Variants in MINK1 observed in about 807,000 individuals in gnomAD.
The protein encoded by MINK1 is misshapen like kinase 1, also known as misshapen-like kinase 1.
Under a neutral mutation model 178.4 loss-of-function variants are expected in MINK1, and 46 were observed. The observed-to-expected ratio is 0.26, with a 90% CI of 0.20 to 0.33. MINK1 has a LOEUF of 0.33. Among genes scored for constraint, MINK1 ranks in the 10% least tolerant of loss-of-function variants. The pLI is 1.00. For missense variants in MINK1, 1,366 were observed against 1,814.9 expected (o/e 0.75, Z 4.49); for synonymous variants, 797 against 709.7 (o/e 1.12, Z -1.96).
At chr17:4,871,144 C>T in intron 1 of MINK1, 1 of 253,106 alleles carries the variant, frequency 4.0e-6, no homozygotes, top group East Asian at 1.4e-4. Flanking sequence ...CAACATCTAG[C>T]AGTAGTTTAT....
Position 4,837,332 on chromosome 17 carries a change from C to T in MINK1, c.57+3692C>T, listed in dbSNP as rs148350394. ...TGTTGCAGAAGTGCCTCTTACAACACGTGCCACTTACAACACAGTGCAGTG... is the reference window on the plus strand; with the variant it reads ...TGTTGCAGAAGTGCCTCTTACAACATGTGCCACTTACAACACAGTGCAGTG... On this transcript the variant is annotated intron_variant, in intron 1 of 31. Coordinates refer to ENST00000355280, the MANE Select transcript of MINK1 (RefSeq NM_153827.5). Among the ~76,000 whole-genome samples, 462 of 152,324 alleles carry T rather than the reference C, an allele frequency of 3.0e-3. 1 individual carries two copies. The highest frequency in any genetic ancestry group is 4.8e-3 in the Admixed American group (73 of 15,300).
In MINK1 at chr17:4,887,668, AAACAGCAGCAGCAGCTGC is replaced by A; in HGVS notation, c.1110_1127del (p.Leu375_Gln380del). On this transcript the variant is annotated inframe_deletion, in exon 12 of 32. Transcript: ENST00000355280. The surrounding 1 kb of genome is among the most constrained non-coding windows in gnomAD (Gnocchi z 7.6). ...AAATAAGAGCAACTCAGAGGCTTTA[AAACAGCAGCAGCAGCTGC>A]AGCAGCAGCAGCAGCGAGACCCCGA... 6.4e-7 allele frequency: 1 copy of A among 1,566,926 alleles called. No homozygotes were observed. Among genetic ancestry groups the A allele is most frequent in the Non-Finnish European group, 8.6e-7 (1 of 1,157,230 alleles).
rs1967649053 is a variant in MINK1 at position 4,880,966 on chromosome 17, GA to G, written c.124-17del. 3.4e-6 allele frequency: 5 copies of G among 1,481,100 alleles called. No homozygotes were observed. In the Admixed American group the frequency reaches 9.4e-5, roughly 28 times the overall value. The allele number at this position is 1,481,100 out of a possible 1,614,324, so 91.7% of individuals were successfully genotyped here. A position where few individuals can be genotyped will look rare whatever the true frequency, so the allele number is the denominator to read the frequency against. ...GCTCCACCCTCTGAGCATAGACTCAGATCCCTCTGTCCCGCAGGGTCGGCAT... is the reference window on the plus strand; with the variant it reads ...GCTCCACCCTCTGAGCATAGACTCAGTCCCTCTGTCCCGCAGGGTCGGCAT... On this transcript the variant is annotated splice_polypyrimidine_tract_variant and intron_variant, in intron 2 of 31. Coordinates refer to ENST00000355280, the MANE Select transcript of MINK1 (RefSeq NM_153827.5).
chr17:4,868,582 G>A (rs946173438), intron 1 of MINK1, among the ~76,000 whole-genome samples: 1 of 152,074 alleles, frequency 6.6e-6, no homozygotes, highest in African/African-American at 2.4e-5. Flanking sequence ...TGCTGCAAGT[G>A]GACAGATTTC....
At chr17:4,835,497 C>G in intron 1 of MINK1, among the ~76,000 whole-genome samples, 1 of 152,158 alleles carries the variant, frequency 6.6e-6, no homozygotes, top group South Asian at 2.1e-4. Flanking sequence ...CGTGGTGGCA[C>G]ACACCTGTGA....
intron 1 of MINK1, among the ~76,000 whole-genome samples, chr17:4,839,413 CT>C (rs1909843888): frequency 6.6e-6 from 1 of 152,182 alleles, no homozygotes; most frequent in African/African-American, 2.4e-5. Flanking sequence ...CTACTTTTTA[CT>C]ACTATCTGTC....
chr17:4,874,712 T>C (rs894244319), intron 1 of MINK1, among the ~76,000 whole-genome samples: 10 of 151,216 alleles, frequency 6.6e-5, no homozygotes, highest in African/African-American at 2.4e-4. Context: ...GGGGAGGGGG[T>C]GAGAGACCAC....
Position 4,887,246 on chromosome 17 carries a change from T to G in MINK1, c.1019+67T>G. ...TGAGTGGGGGGACTACAGTGGTGCTTGGCTTTGGGGACTCTCAGCCTGGGG... is the reference window on the plus strand; with the variant it reads ...TGAGTGGGGGGACTACAGTGGTGCTGGGCTTTGGGGACTCTCAGCCTGGGG... On this transcript the variant is annotated intron_variant, in intron 11 of 31. Transcript: ENST00000355280. The surrounding 1 kb of genome is among the most constrained non-coding windows in gnomAD (Gnocchi z 7.6). 1 of 1,479,452 alleles carries G rather than the reference T, an allele frequency of 6.8e-7. No homozygotes were observed. Among genetic ancestry groups the G allele is most frequent in the Non-Finnish European group, 9.2e-7 (1 of 1,082,694 alleles). 91.6% of individuals were successfully genotyped at this position (1,479,452 alleles called of 1,614,324 possible).
In MINK1 at chr17:4,885,795, C is replaced by G. The variant is rs976002324; in HGVS notation, c.640-116C>G. 4 of 1,412,044 alleles carry G rather than the reference C, an allele frequency of 2.8e-6. No homozygotes were observed. The highest frequency in any genetic ancestry group is 3.9e-6 in the Non-Finnish European group (4 of 1,023,800). The allele number at this position is 1,412,044 out of a possible 1,614,324, so 87.5% of individuals were successfully genotyped here. A position where few individuals can be genotyped will look rare whatever the true frequency, so the allele number is the denominator to read the frequency against. ...AGATGGGATGGGTTGGAAGGCACTG[C>G]TGCAGGAATGGGTGTGGCCCAGGAA... On this transcript the variant is annotated intron_variant, in intron 7 of 31. Transcript: ENST00000355280. This position sits in a 1 kb window ranked among gnomAD's most constrained non-coding sequence, Gnocchi z 5.0.
chr17:4,892,860 A>T, intron 19 of MINK1, 92 bp downstream of exon 19: 1 of 1,388,588 alleles, frequency 7.2e-7, no homozygotes, highest in Non-Finnish European at 9.9e-7. Context: ...GGGCACCCAC[A>T]CGGACAGGGA....
intron 1 of MINK1, among the ~76,000 whole-genome samples, chr17:4,839,984 T>A (rs975507562): frequency 5.1e-5 from 7 of 136,426 alleles, no homozygotes; most frequent in African/African-American, 1.1e-4. Context: ...TGTGTGTGTG[T>A]GATTGCAAGC....
chr17:4,878,426 C>A, intron 2 of MINK1, 44 bp downstream of exon 2: 1 of 1,505,842 alleles, frequency 6.6e-7, no homozygotes, highest in Non-Finnish European at 8.9e-7. Context: ...ATCTGCAGGG[C>A]AGTCTTGGGA....
At chr17:4,888,972 T>C (rs140260029) in intron 12 of MINK1, among the ~76,000 whole-genome samples, 5,340 of 152,158 alleles carry the variant, frequency 0.035, 253 homozygotes, top group African/African-American at 0.11. Flanking sequence ...AGTGCTGGGA[T>C]TACAGGTGTG....
intron 1 of MINK1, among the ~76,000 whole-genome samples, chr17:4,877,186 A>G (rs1263300876): frequency 2.6e-5 from 4 of 151,320 alleles, no homozygotes; most frequent in Non-Finnish European, 4.4e-5. Context: ...CCACCTCCCA[A>G]TTTCTTTCTC....
In MINK1 at chr17:4,894,175, C is replaced by A. The variant is rs1486276261; in HGVS notation, c.2672C>A (p.Thr891Asn). 3.1e-6 allele frequency: 5 copies of A among 1,613,534 alleles called. No individual in the cohort carries two copies. The highest frequency in any genetic ancestry group is 1.7e-5 in the Admixed American group (1 of 59,992). ...CCAACCCTGCCCTCTGTCCTGTAGA[C>A]CCCTGAAGAGGAGCGGAACCTGCTG... Reference protein sequence around the residue: ...YGGGTMVVQRTPEEERNLLHA... With the variant: ...YGGGTMVVQRNPEEERNLLHA... The change falls in exon 23 of 32, where the codon ACC becomes AAC. Residue 891 changes from threonine (T) to asparagine (N), a missense_variant and splice_region_variant. Coordinates refer to ENST00000355280, the MANE Select transcript of MINK1 (RefSeq NM_153827.5). The surrounding 1 kb of genome is among the most constrained non-coding windows in gnomAD (Gnocchi z 4.1).
chr17:4,890,571 C>G lies in MINK1; in HGVS notation c.1402C>G (p.Gln468Glu). The change falls in exon 14 of 32, where the codon CAG becomes GAG. Residue 468 changes from glutamine (Q) to glutamate (E), a missense_variant. Around this residue, in one of 14 missense-constraint regions of MINK1, gnomAD observed 11 missense variants for 28.5 expected, o/e 0.39. Coordinates refer to ENST00000355280, the MANE Select transcript of MINK1 (RefSeq NM_153827.5). ...EQRQSERLQR[Q>E]LQQEHAYLKS... ...GCGGCAGTCAGAACGTCTCCAGAGG[C>G]AGCTGCAGCAGGAGCATGCCTACCT... 1 of 1,579,366 alleles carries G rather than the reference C, an allele frequency of 6.3e-7. No homozygotes were observed. The highest frequency in any genetic ancestry group is 8.6e-7 in the Non-Finnish European group (1 of 1,163,530).
At chr17:4,892,562 G>A (rs762758515) in intron 18 of MINK1, 50 bp downstream of exon 18, 45 of 1,539,874 alleles carry the variant, frequency 2.9e-5, no homozygotes, top group South Asian at 1.6e-4. Flanking sequence ...TCTGCCACCC[G>A]CTTCCCTGGT....
Position 4,833,730 on chromosome 17 carries a change from G to C in MINK1, c.57+90G>C, listed in dbSNP as rs1466604466. 4.4e-6 allele frequency: 5 copies of C among 1,148,066 alleles called. No homozygotes were observed. The highest frequency in any genetic ancestry group is 3.5e-5 in the Admixed American group (1 of 28,336). The allele number at this position is 1,148,066 out of a possible 1,614,324, so 71.1% of individuals were successfully genotyped here. ...GGCTGCACGCCTCACGTGCTCCCGG[G>C]CGCCCCCTCCACCAGCTTGGGTCCC... On this transcript the variant is annotated intron_variant, in intron 1 of 31. Coordinates refer to ENST00000355280, the MANE Select transcript of MINK1 (RefSeq NM_153827.5). This position sits in a 1 kb window ranked among gnomAD's most constrained non-coding sequence, Gnocchi z 4.8.
chr17:4,846,370 C>G (rs991127622), intron 1 of MINK1, among the ~76,000 whole-genome samples: 1 of 152,198 alleles, frequency 6.6e-6, no homozygotes, highest in Non-Finnish European at 1.5e-5. Flanking sequence ...CAGGAACTGC[C>G]CAATACCGAA....
Sources: gnomAD v4.1 joint callset for allele counts (sites outside exome capture counted in the v4.1 genomes callset) on GRCh38, gnomAD v4.1.1 for gene constraint, gnomAD v4.1.1 regional missense constraint, Gnocchi (gnomAD v3.1) non-coding constraint, MANE v1.5 for transcripts, NCBI Gene and HGNC (gene_info 2026-07-23, HGNC 2026-07-21) for gene names.